Variants in SLC4A10 observed in about 807,000 individuals in gnomAD.
SLC4A10 encodes the protein solute carrier family 4 member 10.
A neutral mutation model predicts 137.7 loss-of-function variants in SLC4A10; 42 were observed. The ratio of observed to expected loss-of-function variants is 0.30; its 90% confidence interval spans 0.24 to 0.39. SLC4A10 has a LOEUF of 0.39. Among genes scored for constraint, SLC4A10 ranks in the 10% least tolerant of loss-of-function variants. The pLI is 1.00. For synonymous variants in SLC4A10, 474 were observed against 464.1 expected, an observed-to-expected ratio of 1.02 and a Z score of -0.27; for missense variants, 925 against 1,355.0, an observed-to-expected ratio of 0.68 and a Z score of 4.98.
intron 1 of SLC4A10, among the ~76,000 whole-genome samples, chr2:161,741,223 A>G (rs974256520): frequency 1.4e-5 from 2 of 144,550 alleles, no homozygotes; most frequent in Non-Finnish European, 3.0e-5. Flanking sequence ...TGATCATGCC[A>G]TTGCACTCCG....
Position 161,904,814 on chromosome 2 carries a change from G to A in SLC4A10, c.1656G>A (p.Gly552=), listed in dbSNP as rs748056007. 6.2e-7 allele frequency: 1 copy of A among 1,613,844 alleles called. No homozygotes were observed. Among genetic ancestry groups the A allele is most frequent in the Non-Finnish European group, 8.5e-7 (1 of 1,179,878 alleles). Residue 552 remains glycine, a synonymous_variant, in exon 14 of 27, where the codon GGG becomes GGA. Transcript: ENST00000446997. The part of the protein sequence containing the change: ...IESLFGASMT[G]IAYSLFGGQP... ...CTCTCTTTGGAGCATCCATGACCGG[G>A]ATAGCCTATTCTCTCTTTGGTGGAC...
At chr2:161,695,156 T>G (rs922475980) in intron 1 of SLC4A10, among the ~76,000 whole-genome samples, 1 of 152,096 alleles carries the variant, frequency 6.6e-6, no homozygotes, top group African/African-American at 2.4e-5. Context: ...ATTAAGAATC[T>G]CTAGAGCCAA....
intron 2 of SLC4A10, among the ~76,000 whole-genome samples, chr2:161,780,906 C>A: frequency 6.6e-6 from 1 of 152,068 alleles, no homozygotes; most frequent in East Asian, 1.9e-4. Flanking sequence ...AAAGGATAAT[C>A]TGATGTTGTA....
intron 15 of SLC4A10, among the ~76,000 whole-genome samples, chr2:161,915,394 C>T (rs866842871): frequency 3.2e-4 from 48 of 152,170 alleles, no homozygotes; most frequent in African/African-American, 1.1e-3. Context: ...AAGTGAATTA[C>T]ATGACTTGAG....
At chr2:161,786,898 C>T (rs1452802249) in intron 2 of SLC4A10, among the ~76,000 whole-genome samples, 4 of 151,070 alleles carry the variant, frequency 2.6e-5, no homozygotes, top group Non-Finnish European at 5.9e-5. Flanking sequence ...AGTTTTGTCC[C>T]AATCATAGTA....
intron 1 of SLC4A10, among the ~76,000 whole-genome samples, chr2:161,670,216 G>T (rs1033092425): frequency 1.3e-5 from 2 of 151,496 alleles, no homozygotes; most frequent in Non-Finnish European, 2.9e-5. Flanking sequence ...AGCCTTTTAA[G>T]TTGCTGCTAC....
intron 24 of SLC4A10, among the ~76,000 whole-genome samples, chr2:161,975,423 T>TA (rs1185560515): frequency 6.6e-6 from 1 of 152,222 alleles, no homozygotes; most frequent in Non-Finnish European, 1.5e-5. Flanking sequence ...TACTGCATTT[T>TA]AAAAAATTGT....
chr2:161,817,996 G>T (rs1419225280), intron 3 of SLC4A10, among the ~76,000 whole-genome samples: 1 of 152,000 alleles, frequency 6.6e-6, no homozygotes, highest in Non-Finnish European at 1.5e-5. Flanking sequence ...CTTTAAAGCA[G>T]TTTTTTCCAA....
chr2:161,884,312 G>A (rs2062048795), intron 10 of SLC4A10, among the ~76,000 whole-genome samples: 2 of 152,134 alleles, frequency 1.3e-5, no homozygotes, highest in South Asian at 4.1e-4. Flanking sequence ...GATAATGTGA[G>A]AGGATCCTAC....
chr2:161,909,554 G>A (rs1444988742), intron 15 of SLC4A10, among the ~76,000 whole-genome samples: 2 of 152,156 alleles, frequency 1.3e-5, no homozygotes, highest in African/African-American at 4.8e-5. Flanking sequence ...CAGTCTCATG[G>A]GAAATGGGGT....
chr2:161,888,722 A>T (rs2126007982), intron 10 of SLC4A10, among the ~76,000 whole-genome samples: 1 of 152,164 alleles, frequency 6.6e-6, no homozygotes, highest in East Asian at 1.9e-4. Context: ...ATATACAATC[A>T]TGTCATCTGC....
intron 1 of SLC4A10, among the ~76,000 whole-genome samples, chr2:161,760,922 A>C (rs1274959658): frequency 3.3e-5 from 5 of 151,850 alleles, no homozygotes; most frequent in Admixed American, 6.6e-5. Context: ...ATACACACAC[A>C]CCCCACACAC....
intron 1 of SLC4A10, among the ~76,000 whole-genome samples, chr2:161,722,146 AT>A (rs1389786064): frequency 1.3e-5 from 2 of 152,038 alleles, no homozygotes; most frequent in African/African-American, 4.8e-5. Context: ...GCTTGGTGAA[AT>A]TTGTTATTAC....
In SLC4A10 at chr2:161,984,489, G is replaced by A. The variant is rs535877586; in HGVS notation, c.*1337G>A. On this transcript the variant is annotated 3_prime_UTR_variant, in exon 27 of 27. Coordinates refer to ENST00000446997, the MANE Select transcript of SLC4A10 (RefSeq NM_001178015.2). The stretch of plus-strand genomic sequence containing the variant: ...CAACTTTATAATACTCCAATATTCC[G>A]TTTTATAATAATTCAGAGCCCTGTG... 17 of 152,088 alleles carry A rather than the reference G, an allele frequency of 1.1e-4. No homozygotes were observed. The highest frequency in any genetic ancestry group is 3.9e-4 in the Admixed American group (6 of 15,270). 9.4% of individuals were successfully genotyped at this position (152,088 alleles called of 1,614,324 possible).
At chr2:161,781,139 A>C (rs922538873) in intron 2 of SLC4A10, among the ~76,000 whole-genome samples, 11 of 152,044 alleles carry the variant, frequency 7.2e-5, no homozygotes, top group African/African-American at 2.2e-4. Flanking sequence ...TCAGAACCAC[A>C]AATTTTCAAA....
chr2:161,807,995 A>G (rs1448851209), intron 3 of SLC4A10, among the ~76,000 whole-genome samples: 1 of 152,042 alleles, frequency 6.6e-6, no homozygotes, highest in East Asian at 1.9e-4. Flanking sequence ...ATAAAAATCT[A>G]TTGTTGCTCT....
chr2:161,730,995 A>T (rs1019004028), intron 1 of SLC4A10, among the ~76,000 whole-genome samples: 2 of 152,190 alleles, frequency 1.3e-5, no homozygotes, highest in African/African-American at 2.4e-5. Flanking sequence ...AATCATGAAG[A>T]TGTACATTTC....
rs1164720538 is a variant in SLC4A10 at position 161,947,620 on chromosome 2, C to T, written c.2158C>T (p.Pro720Ser). 1 of 1,613,076 alleles carries T rather than the reference C, an allele frequency of 6.2e-7. No homozygotes were observed. Among genetic ancestry groups the T allele is most frequent in the African/African-American group, 1.3e-5 (1 of 74,846 alleles). The change falls in exon 17 of 27, where the codon CCA (proline) becomes TCA (serine). Residue 720 changes from proline (P) to serine (S), a missense_variant. This residue lies in a region of SLC4A10 where 82 missense variants were observed against 151.4 expected (regional missense o/e 0.54). Coordinates refer to ENST00000446997, the MANE Select transcript of SLC4A10 (RefSeq NM_001178015.2). The stretch of plus-strand genomic sequence containing the variant: ...TGGACGGGCCTGTGGCCATGATCAC[C>T]CATATGTTCCAGATGTTCTATTTTG... ...YVGRACGHDH[P>S]YVPDVLFWSV...
At chr2:161,756,793 C>T (rs74620321) in intron 1 of SLC4A10, among the ~76,000 whole-genome samples, 3,928 of 152,052 alleles carry the variant, frequency 0.026, 158 homozygotes, top group African/African-American at 0.089. Context: ...TAGTATAAGC[C>T]ACAATTGAAG....
Sources: gnomAD v4.1 joint callset for allele counts (sites outside exome capture counted in the v4.1 genomes callset) on GRCh38, gnomAD v4.1.1 for gene constraint, gnomAD v4.1.1 regional missense constraint, MANE v1.5 for transcripts, NCBI Gene and HGNC (gene_info 2026-07-23, HGNC 2026-07-21) for gene names.